Variants in SP4 observed in about 807,000 individuals in gnomAD.
The protein encoded by SP4 is Sp4 transcription factor, also known as transcription factor Sp4.
A neutral mutation model predicts 72.8 loss-of-function variants in SP4; 19 were observed. The ratio of observed to expected loss-of-function variants is 0.26; its 90% CI spans 0.18 to 0.38. SP4 has a LOEUF of 0.38. Among genes scored for constraint, SP4 ranks in the 10% least tolerant of loss-of-function variants. The pLI is 1.00. For synonymous variants in SP4, 395 were observed against 333.1 expected, an observed-to-expected ratio of 1.19 and a Z score of -2.02; for missense variants, 1,008 against 926.3, an observed-to-expected ratio of 1.09 and a Z score of -1.14.
At chr7:21,434,422 G>C (rs1401171239) in intron 3 of SP4, among the ~76,000 whole-genome samples, 2 of 152,132 alleles carry the variant, frequency 1.3e-5, no homozygotes. Flanking sequence ...AACAACCTAG[G>C]GGGATCCTCT....
chr7:21,484,317 T>G (rs976910600), intron 5 of SP4, among the ~76,000 whole-genome samples: 1 of 151,926 alleles, frequency 6.6e-6, no homozygotes, highest in African/African-American at 2.4e-5. Flanking sequence ...GAAGGTAATC[T>G]TATACAATAT....
chr7:21,465,417 A>C (rs989011528), intron 3 of SP4, among the ~76,000 whole-genome samples: 1 of 152,144 alleles, frequency 6.6e-6, no homozygotes, highest in African/African-American at 2.4e-5. Flanking sequence ...ACCTAGGTTC[A>C]CATCTTAGCT....
intron 1 of SP4, 51 bp downstream of exon 1, chr7:21,428,309 TCCCTCCCCAGACCCTGCTCGGTTCTCCC>T: frequency 1.0e-6 from 1 of 987,472 alleles, no homozygotes; most frequent in Non-Finnish European, 1.6e-6. Flanking sequence ...CCTCTCTCCC[TCCCTCCCCAGACCCTGCTCGGTTCTCCC>T]CCCTCCCCCG....
chr7:21,449,531 A>G (rs1393811622), intron 3 of SP4, among the ~76,000 whole-genome samples: 1 of 152,186 alleles, frequency 6.6e-6, no homozygotes, highest in South Asian at 2.1e-4. Context: ...ACTGAAATAC[A>G]TATGCGTGTA....
At chr7:21,435,957 C>T (rs1473399256) in intron 3 of SP4, among the ~76,000 whole-genome samples, 6 of 151,926 alleles carry the variant, frequency 3.9e-5, no homozygotes, top group African/African-American at 1.2e-4. Flanking sequence ...GGCTGGAGTG[C>T]AGTGGCACGA....
At chr7:21,488,184 AGG>A in intron 5 of SP4, among the ~76,000 whole-genome samples, 1 of 152,130 alleles carries the variant, frequency 6.6e-6, no homozygotes, top group African/African-American at 2.4e-5. Context: ...CTTTTATTTT[AGG>A]TAACTGGGTG....
intron 3 of SP4, among the ~76,000 whole-genome samples, chr7:21,457,770 G>A (rs73685135): frequency 0.022 from 3,293 of 151,732 alleles, 126 homozygotes; most frequent in African/African-American, 0.074. Context: ...TTTTTCAATA[G>A]GGGTGTGTGT....
At chr7:21,463,785 C>T (rs912416961) in intron 3 of SP4, among the ~76,000 whole-genome samples, 10 of 152,134 alleles carry the variant, frequency 6.6e-5, no homozygotes, top group African/African-American at 1.9e-4. Context: ...GCTTCCTCTC[C>T]GGGGTTCCCC....
chr7:21,429,221 C>A, intron 2 of SP4, 68 bp from the exon 3 acceptor site: 1 of 827,490 alleles, frequency 1.2e-6, no homozygotes, highest in Non-Finnish European at 1.9e-6. Context: ...CTGGCAACTA[C>A]TGGCCTCCAC....
In SP4 at chr7:21,501,822, G is replaced by A. The variant is rs569005907; in HGVS notation, c.2108-9200G>A. Among the ~76,000 whole-genome samples, 7 of 152,284 alleles carry A rather than the reference G, an allele frequency of 4.6e-5. No homozygotes were observed. The South Asian group carries it at 1.4e-3, about 32-fold the overall frequency. On this transcript the variant is annotated intron_variant, in intron 5 of 5. Coordinates refer to ENST00000222584, the MANE Select transcript of SP4 (RefSeq NM_003112.5). ...ACACATACGCCCCCTTTTTCTGCTA[G>A]TATCATGTCTAGCGCAAGCCTGTTT...
chr7:21,501,115 A>T (rs560558459), intron 5 of SP4, among the ~76,000 whole-genome samples: 1 of 152,322 alleles, frequency 6.6e-6, no homozygotes, highest in East Asian at 1.9e-4. Flanking sequence ...AAGTTTCATT[A>T]TCCCCCTAAT....
intron 3 of SP4, among the ~76,000 whole-genome samples, chr7:21,471,379 C>G (rs1439197975): frequency 6.6e-6 from 1 of 152,150 alleles, no homozygotes; most frequent in Non-Finnish European, 1.5e-5. Flanking sequence ...AAGAGGTAGA[C>G]TTAACAGGGA....
intron 5 of SP4, among the ~76,000 whole-genome samples, chr7:21,509,742 G>A (rs1380087970): frequency 6.6e-6 from 1 of 152,136 alleles, no homozygotes; most frequent in Non-Finnish European, 1.5e-5. Context: ...ACCAACTTGA[G>A]CCTATAGATT....
chr7:21,493,859 A>G (rs916353525), intron 5 of SP4, among the ~76,000 whole-genome samples: 5 of 152,180 alleles, frequency 3.3e-5, no homozygotes, highest in Admixed American at 2.6e-4. Flanking sequence ...GATACCAAAG[A>G]AAAAAACTTA....
At chr7:21,448,252 C>A (rs1783485870) in intron 3 of SP4, among the ~76,000 whole-genome samples, 2 of 150,312 alleles carry the variant, frequency 1.3e-5, no homozygotes, top group South Asian at 2.2e-4. Flanking sequence ...TAGCTCACTA[C>A]TATTATACAG....
chr7:21,508,207 C>T (rs944903709), intron 5 of SP4, among the ~76,000 whole-genome samples: 4 of 152,150 alleles, frequency 2.6e-5, no homozygotes, highest in Admixed American at 1.3e-4. Context: ...TCCATGCAGG[C>T]ACAGAGATCC....
intron 5 of SP4, among the ~76,000 whole-genome samples, chr7:21,505,229 T>G (rs1276764992): frequency 6.6e-6 from 1 of 152,204 alleles, no homozygotes; most frequent in Non-Finnish European, 1.5e-5. Flanking sequence ...CTATTCCCAG[T>G]ATTCTCTCTG....
At chr7:21,472,941 A>G (rs902626565) in intron 3 of SP4, among the ~76,000 whole-genome samples, 4 of 152,228 alleles carry the variant, frequency 2.6e-5, no homozygotes, top group Non-Finnish European at 5.9e-5. Context: ...GAAAAAATGC[A>G]CAATAGATTT....
At chr7:21,444,449 C>T (rs1271124002) in intron 3 of SP4, among the ~76,000 whole-genome samples, 1 of 152,180 alleles carries the variant, frequency 6.6e-6, no homozygotes, top group Admixed American at 6.5e-5. Flanking sequence ...GCTGACATCT[C>T]TCCTTTCAGG....
Sources: gnomAD v4.1 joint callset for allele counts (sites outside exome capture counted in the v4.1 genomes callset) on GRCh38, gnomAD v4.1.1 for gene constraint, MANE v1.5 for transcripts, NCBI Gene and HGNC (gene_info 2026-07-23, HGNC 2026-07-21) for gene names.